Variants in CHD8 observed in about 807,000 individuals in gnomAD.
CHD8 encodes chromodomain helicase DNA binding protein 8.
A neutral mutation model predicts 279.2 loss-of-function variants in CHD8; 31 were observed. The ratio of observed to expected loss-of-function variants is 0.11; its 90% CI spans 0.08 to 0.15. The LOEUF (loss-of-function observed/expected upper bound fraction) is 0.15, where lower values mean the gene tolerates loss of function less well. CHD8 is among the 10% of genes least tolerant of loss of function. The pLI, the probability that CHD8 is intolerant of heterozygous loss-of-function variation, is 1.00. For missense variants in CHD8, 2,146 were observed against 3,230.5 expected, an observed-to-expected ratio of 0.66 and a Z score of 8.14; for synonymous variants, 1,081 against 1,139.6, an observed-to-expected ratio of 0.95 and a Z score of 1.04.
intron 7 of CHD8, 95 bp downstream of exon 7, chr14:21,415,479 T>C: frequency 1.4e-6 from 1 of 698,254 alleles, no homozygotes. Context: ...CACTTTAGCC[T>C]GGGTAACACA....
Position 21,405,968 on chromosome 14 carries a change from T to C in CHD8, c.2908-104A>G, listed in dbSNP as rs1261223913. 4 of 848,436 alleles carry C rather than the reference T, an allele frequency of 4.7e-6. No individual in the cohort carries two copies. Among genetic ancestry groups the C allele is most frequent in the Non-Finnish European group, 6.9e-6 (4 of 583,174 alleles). 52.6% of individuals were successfully genotyped at this position (848,436 alleles called of 1,614,324 possible). On this transcript the variant is annotated intron_variant, in intron 14 of 37. Transcript: ENST00000646647. This position sits in a 1 kb window ranked among gnomAD's most constrained non-coding sequence, Gnocchi z 4.2. ...TAACATATATAACCTTTAATTTCTT[T>C]ATCTATAAAATGATGAGAATGGACC...
intron 36 of CHD8, among the ~76,000 whole-genome samples, 173 bp from the exon 37 acceptor site, chr14:21,391,236 T>C (rs1887522598): frequency 6.6e-6 from 1 of 152,264 alleles, no homozygotes; most frequent in Admixed American, 6.5e-5. Context: ...AGGTGGTTTA[T>C]ATAATAGTTC....
chr14:21,421,810 C>T (rs1028366587), intron 5 of CHD8, among the ~76,000 whole-genome samples: 6 of 152,118 alleles, frequency 3.9e-5, no homozygotes, highest in African/African-American at 7.2e-5. Flanking sequence ...GGGCTTCCAA[C>T]GGTCATTAAG....
intron 5 of CHD8, among the ~76,000 whole-genome samples, chr14:21,421,147 A>G (rs1194200317): frequency 6.6e-6 from 1 of 152,186 alleles, no homozygotes; most frequent in East Asian, 1.9e-4. Flanking sequence ...AAAAAATTAA[A>G]GCACAATAAT....
At position 21,385,470 on chromosome 14, in the gene CHD8, A is replaced by AT. The variant is rs370612022; in HGVS notation, c.*142dup. 84,361 of 1,043,612 alleles carry AT rather than the reference A, an allele frequency of 0.081. No individual in the cohort carries two copies. Among genetic ancestry groups the AT allele is most frequent in the Non-Finnish European group, 0.089 (68,667 of 775,296 alleles). The allele number at this position is 1,043,612 out of a possible 1,614,324, so 64.6% of individuals were successfully genotyped here. A position where few individuals can be genotyped will look rare whatever the true frequency, so the allele number is the denominator to read the frequency against. The stretch of plus-strand genomic sequence containing the variant: ...CTCATAATTGGGAGCAATCAGGTAC[A>AT]TTTTTTTTTTTTTTTCCTTTTCACC... On this transcript the variant is annotated 3_prime_UTR_variant, in exon 38 of 38. Transcript: ENST00000646647.
At chr14:21,386,637 A>C (rs1887252856) in intron 37 of CHD8, among the ~76,000 whole-genome samples, 2 of 152,220 alleles carry the variant, frequency 1.3e-5, no homozygotes, top group Admixed American at 1.3e-4. Context: ...GGAGATCGAG[A>C]CCATCCTGGC....
chr14:21,428,873 C>T (rs752181257), intron 3 of CHD8, 91 bp downstream of exon 3: 229 of 1,183,994 alleles, frequency 1.9e-4, no homozygotes, highest in Non-Finnish European at 2.6e-4. Context: ...TAGAATGGCC[C>T]CACATTCAAG....
chr14:21,415,863 C>T lies in CHD8; in HGVS notation c.1761G>A (p.Glu587=), dbSNP rs757000890. The change falls in exon 6 of 38, where the codon GAG becomes GAA. Residue 587 remains glutamate (E), a synonymous_variant. Coordinates refer to ENST00000646647, the MANE Select transcript of CHD8 (RefSeq NM_001170629.2). ...CATCTGTGATCTTTATATCCAGGTC[C>T]TCTGTATATTTTTTTCGCTTAACTT... ...NRQVKRKKYT[E]DLDIKITDDE... is the part of the protein sequence containing the mutation. 4 of 1,613,842 alleles carry T rather than the reference C, an allele frequency of 2.5e-6. No individual in the cohort carries two copies. The highest frequency in any genetic ancestry group is 3.4e-6 in the Non-Finnish European group (4 of 1,179,840).
chr14:21,412,706 T>C (rs1888555860), intron 10 of CHD8, among the ~76,000 whole-genome samples: 2 of 152,036 alleles, frequency 1.3e-5, no homozygotes, highest in South Asian at 4.1e-4. Flanking sequence ...AGCCTCTACA[T>C]GTCTGACTTT....
intron 9 of CHD8, chr14:21,414,053 T>C: frequency 2.5e-6 from 1 of 395,710 alleles, no homozygotes; most frequent in Non-Finnish European, 4.6e-6. Flanking sequence ...TCATCAGTTT[T>C]GAAAATACTT....
At chr14:21,421,069 G>GT (rs1889021900) in intron 5 of CHD8, among the ~76,000 whole-genome samples, 1 of 152,058 alleles carries the variant, frequency 6.6e-6, no homozygotes, top group South Asian at 2.1e-4. Context: ...CCTCATATAT[G>GT]TATTTTTAAA....
rs763315298 is a variant in CHD8, at chr14:21,390,978, A to G, written c.7151T>C (p.Val2384Ala). The change falls in exon 37 of 38, where the codon GTA becomes GCA. Residue 2384 changes from valine to alanine, a missense_variant. Physicochemically the swap from Val to Ala is moderately conservative, Grantham distance 64 (BLOSUM62 0). Coordinates refer to ENST00000646647, the MANE Select transcript of CHD8 (RefSeq NM_001170629.2). ...AELNCLGMEP[V>A]QTANSRNGKK... ...CCCATTTCTAGAGTTAGCTGTCTGT[A>G]CTGGTTCCATTCCCAAACAGTTCAA... The G allele has an allele frequency of 6.2e-7, 1 of 1,603,548 alleles. No homozygotes were observed. The highest frequency in any genetic ancestry group is 8.5e-7 in the Non-Finnish European group (1 of 1,173,938).
intron 1 of CHD8, among the ~76,000 whole-genome samples, chr14:21,449,280 C>T (rs938356277): frequency 6.6e-6 from 1 of 152,134 alleles, no homozygotes; most frequent in Non-Finnish European, 1.5e-5. Flanking sequence ...CCTAACCTCA[C>T]AGTCTTTTTT....
rs1429058909 is a variant in CHD8, at chr14:21,405,303, G to A, written c.3213C>T (p.Phe1071=). ...TGGTATGACCTGCCCCTTTGGAAAG[G>A]AAGGAGAAATTCTTCTCCAAAATAG... is the stretch of plus-strand genomic sequence containing the variant. ...YRAILEKNFS[F]LSKGAGHTNM... The change falls in exon 16 of 38, where the codon TTC becomes TTT. Residue 1071 remains phenylalanine (F), a synonymous_variant. Coordinates refer to ENST00000646647, the MANE Select transcript of CHD8 (RefSeq NM_001170629.2). This position sits in a 1 kb window ranked among gnomAD's most constrained non-coding sequence, Gnocchi z 4.2. 6.2e-7 allele frequency: 1 copy of A among 1,611,796 alleles called. No individual in the cohort carries two copies. Among genetic ancestry groups the A allele is most frequent in the African/African-American group, 1.3e-5 (1 of 75,040 alleles).
intron 5 of CHD8, among the ~76,000 whole-genome samples, chr14:21,418,304 G>A (rs1452416966): frequency 6.6e-6 from 1 of 151,186 alleles, no homozygotes; most frequent in Non-Finnish European, 1.5e-5. Flanking sequence ...GATCATTTGA[G>A]GTCAGGAGTT....
At chr14:21,455,909 TG>T in intron 1 of CHD8, 122 bp downstream of exon 1, 2 of 153,576 alleles carry the variant, frequency 1.3e-5, no homozygotes, top group Non-Finnish European at 2.9e-5. Context: ...CCCTCACAAC[TG>T]GGGGGCGAGC....
chr14:21,421,305 C>T (rs1305395762), intron 5 of CHD8, among the ~76,000 whole-genome samples: 3 of 151,910 alleles, frequency 2.0e-5, no homozygotes, highest in East Asian at 1.9e-4. Context: ...AGAGATACTA[C>T]ATACACCTTT....
intron 1 of CHD8, among the ~76,000 whole-genome samples, chr14:21,443,149 T>G (rs1472467504): frequency 6.6e-6 from 1 of 152,122 alleles, no homozygotes; most frequent in Non-Finnish European, 1.5e-5. Context: ...CCCAGCACTT[T>G]GGGAGGCCGA....
chr14:21,427,000 A>G (rs941458867), intron 4 of CHD8: 1 of 152,284 alleles, frequency 6.6e-6, no homozygotes, highest in Non-Finnish European at 1.5e-5. Context: ...CAGGACAAAT[A>G]TATGAATGCA....
Sources: gnomAD v4.1 joint callset for allele counts (sites outside exome capture counted in the v4.1 genomes callset) on GRCh38, gnomAD v4.1.1 for gene constraint, Gnocchi (gnomAD v3.1) non-coding constraint, MANE v1.5 for transcripts, NCBI Gene and HGNC (gene_info 2026-07-23, HGNC 2026-07-21) for gene names.